The following HHAT variants were observed in gnomAD, a reference collection of about 807,000 sequenced individuals.
HHAT encodes protein-cysteine N-palmitoyltransferase HHAT.
HHAT carries 47 observed loss-of-function variants against 70.8 expected under a neutral mutation model. The ratio of observed to expected loss-of-function variants is 0.66; its 90% CI spans 0.53 to 0.85. The LOEUF (loss-of-function observed/expected upper bound fraction) is 0.85, where lower values mean the gene tolerates loss of function less well. Ranked by LOEUF, HHAT falls within the 40% of genes least tolerant of loss-of-function variation. The pLI is 0.00. For missense variants in HHAT, 609 were observed against 604.8 expected (o/e 1.01, Z -0.07); for synonymous variants, 228 against 247.6 (o/e 0.92, Z 0.74).
At chr1:210,449,254 C>A (rs742562) in intron 7 of HHAT, among the ~76,000 whole-genome samples, 1 of 150,928 alleles carries the variant, frequency 6.6e-6, no homozygotes, top group African/African-American at 2.4e-5. Flanking sequence ...CTTTTCCCCC[C>A]TTAGGAACAA....
chr1:210,367,912 C>A (rs934563628), intron 3 of HHAT, among the ~76,000 whole-genome samples: 2 of 132,034 alleles, frequency 1.5e-5, no homozygotes, highest in African/African-American at 5.5e-5. Flanking sequence ...GCCCCTCCCC[C>A]ACCCCCCACC....
intron 6 of HHAT, among the ~76,000 whole-genome samples, chr1:210,407,053 G>T (rs1003943588): frequency 9.2e-5 from 14 of 152,116 alleles, no homozygotes; most frequent in Non-Finnish European, 1.9e-4. Flanking sequence ...GTAAGATATA[G>T]GGCAAATTTA....
chr1:210,505,000 G>T (rs1340856695), intron 8 of HHAT, among the ~76,000 whole-genome samples: 7 of 148,164 alleles, frequency 4.7e-5, no homozygotes, highest in African/African-American at 9.9e-5. Flanking sequence ...CTGGGTTCAA[G>T]CGATTGTCCT....
chr1:210,617,512 G>C (rs1039277823), intron 10 of HHAT, among the ~76,000 whole-genome samples: 4 of 152,186 alleles, frequency 2.6e-5, no homozygotes, highest in African/African-American at 9.7e-5. Flanking sequence ...AACTCAGGGT[G>C]AGGCGGTACT....
intron 4 of HHAT, among the ~76,000 whole-genome samples, chr1:210,397,388 G>C (rs573373649): frequency 6.6e-6 from 1 of 151,890 alleles, no homozygotes; most frequent in East Asian, 1.9e-4. Flanking sequence ...AAATGAATTG[G>C]GCTATTTTGG....
chr1:210,442,301 C>T (rs2093534875), intron 7 of HHAT, among the ~76,000 whole-genome samples: 1 of 133,428 alleles, frequency 7.5e-6, no homozygotes, highest in Non-Finnish European at 1.6e-5. Context: ...AATAATGCCG[C>T]AGTAAACATA....
At chr1:210,373,957 C>T (rs995516339) in intron 3 of HHAT, among the ~76,000 whole-genome samples, 1 of 152,162 alleles carries the variant, frequency 6.6e-6, no homozygotes, top group Non-Finnish European at 1.5e-5. Flanking sequence ...TGCTAATTAG[C>T]AAGTCAGATG....
intron 11 of HHAT, among the ~76,000 whole-genome samples, chr1:210,642,988 A>G (rs1673272088): frequency 1.3e-5 from 2 of 152,090 alleles, no homozygotes; most frequent in African/African-American, 2.4e-5. Flanking sequence ...TAATTTCCCT[A>G]TTTACATCTA....
At chr1:210,549,415 G>T (rs2095510501) in intron 9 of HHAT, among the ~76,000 whole-genome samples, 1 of 148,480 alleles carries the variant, frequency 6.7e-6, no homozygotes, top group African/African-American at 2.5e-5. Flanking sequence ...CAGAGTCCAT[G>T]GTTCTCTGAA....
chr1:210,616,951 G>A (rs777981454), intron 10 of HHAT, among the ~76,000 whole-genome samples: 26 of 152,210 alleles, frequency 1.7e-4, no homozygotes, highest in African/African-American at 2.4e-5. Flanking sequence ...TAGAAACACA[G>A]AAATTGGGTG....
chr1:210,652,472 G>A (rs1173285632), intron 11 of HHAT, among the ~76,000 whole-genome samples: 9 of 152,144 alleles, frequency 5.9e-5, no homozygotes, highest in Admixed American at 5.2e-4. Flanking sequence ...TGTGTTCTTT[G>A]AGCACAGAGC....
chr1:210,544,265 T>C (rs1452899771), intron 9 of HHAT, among the ~76,000 whole-genome samples: 1 of 152,186 alleles, frequency 6.6e-6, no homozygotes, highest in Admixed American at 6.5e-5. Flanking sequence ...ACTATATGGA[T>C]TCCTGTCAAG....
At chr1:210,434,088 T>G (rs1572409582) in intron 7 of HHAT, among the ~76,000 whole-genome samples, 1 of 151,994 alleles carries the variant, frequency 6.6e-6, no homozygotes, top group East Asian at 1.9e-4. Context: ...AGTAAACAAG[T>G]GTCTTGTGAA....
intron 9 of HHAT, among the ~76,000 whole-genome samples, chr1:210,536,472 C>A (rs529158165): frequency 6.6e-6 from 1 of 152,238 alleles, no homozygotes; most frequent in Non-Finnish European, 1.5e-5. Flanking sequence ...GGGCTCAGCA[C>A]CACATTACTG....
At chr1:210,386,230 C>CTTTTTTTTTTTTTTTTTTTTTTTT (rs869305965) in intron 3 of HHAT, among the ~76,000 whole-genome samples, 4 of 69,920 alleles carry the variant, frequency 5.7e-5, no homozygotes, top group African/African-American at 1.9e-4. Flanking sequence ...TTCTTTTTTT[C>CTTTTTTTTTTTTTTTTTTTTTTTT]TTTTTTTTTT....
At chr1:210,427,454 C>G (rs964964005) in intron 7 of HHAT, among the ~76,000 whole-genome samples, 3 of 152,094 alleles carry the variant, frequency 2.0e-5, no homozygotes, top group African/African-American at 7.2e-5. Flanking sequence ...CTATAACTTT[C>G]CCTCTTAACA....
intron 2 of HHAT, among the ~76,000 whole-genome samples, chr1:210,352,165 A>G (rs6669428): frequency 0.23 from 35,672 of 152,084 alleles, 4,799 homozygotes; most frequent in African/African-American, 0.37. Flanking sequence ...GGATAGTACA[A>G]AACTTTTCTG....
chr1:210,664,081 C>A (rs1019996054), intron 11 of HHAT, among the ~76,000 whole-genome samples: 2 of 152,222 alleles, frequency 1.3e-5, no homozygotes, highest in Non-Finnish European at 2.9e-5. Flanking sequence ...CCATCTCCCC[C>A]ACGTTTGGAG....
chr1:210,630,262 T>C (rs920910421), intron 11 of HHAT, among the ~76,000 whole-genome samples: 1 of 152,104 alleles, frequency 6.6e-6, no homozygotes, highest in African/African-American at 2.4e-5. Context: ...CCTATTGCTG[T>C]GTGAGGTGAC....
Sources: allele counts gnomAD v4.1 joint callset (sites outside exome capture counted in the v4.1 genomes callset), GRCh38; gene constraint gnomAD v4.1.1; transcripts MANE v1.5; gene names NCBI Gene and HGNC (gene_info 2026-07-23, HGNC 2026-07-21).